Variants in CYP3A4 observed in about 807,000 individuals in gnomAD.
CYP3A4 encodes the protein cytochrome P450 family 3 subfamily A member 4.
Under a neutral mutation model 54.9 loss-of-function variants are expected in CYP3A4, and 41 were observed. That is an observed-to-expected ratio of 0.75 (90% confidence interval 0.58 to 0.97). CYP3A4 has a LOEUF of 0.97. Among genes scored for constraint, CYP3A4 ranks in the 50% least tolerant of loss-of-function variants. The probability of loss-of-function intolerance (pLI) is 0.00; values close to 1 mark genes in which losing one functional copy is unlikely to be tolerated. For missense variants in CYP3A4, 510 were observed against 597.3 expected (o/e 0.85, Z 1.52); for synonymous variants, 179 against 205.2 (o/e 0.87, Z 1.09).
intron 3 of CYP3A4, among the ~76,000 whole-genome samples, chr7:99,773,282 A>T (rs1247182877): frequency 6.6e-6 from 1 of 152,186 alleles, no homozygotes; most frequent in African/African-American, 2.4e-5. Flanking sequence ...TATTAGACAG[A>T]TCAACAAGAC....
chr7:99,771,538 A>T (rs2151561237), intron 4 of CYP3A4, among the ~76,000 whole-genome samples: 1 of 152,338 alleles, frequency 6.6e-6, no homozygotes, highest in African/African-American at 2.4e-5. Flanking sequence ...CATTTTCCAT[A>T]AACTGGTCTA....
At chr7:99,771,296 A>G (rs1165351054) in intron 4 of CYP3A4, among the ~76,000 whole-genome samples, 1 of 152,224 alleles carries the variant, frequency 6.6e-6, no homozygotes, top group African/African-American at 2.4e-5. Flanking sequence ...AACACACAAA[A>G]TCAAAGCACA....
In CYP3A4 at chr7:99,780,011, T is replaced by A; in HGVS notation, c.146A>T (p.Asn49Ile). ...ACTCACCTTATGGTAGGACAAAATA[T>A]TTCCCAAAAAAGGCAGAGGTGTGGG... ...PGPTPLPFLG[N>I]ILSYHKGFCM... Residue 49 changes from asparagine to isoleucine, a missense_variant, in exon 2 of 13, where the codon AAT becomes ATT. Coordinates refer to ENST00000651514, the MANE Select transcript of CYP3A4 (RefSeq NM_017460.6). 6.2e-7 allele frequency: 1 copy of A among 1,613,466 alleles called. No homozygotes were observed. The highest frequency in any genetic ancestry group is 1.1e-5 in the South Asian group (1 of 91,070).
In CYP3A4 at chr7:99,769,762, A is replaced by C. The variant is rs775328500; in HGVS notation, c.521+6T>G. 2 of 1,613,668 alleles carry C rather than the reference A, an allele frequency of 1.2e-6. No homozygotes were observed. Among genetic ancestry groups the C allele is most frequent in the African/African-American group, 2.7e-5 (2 of 74,856 alleles). On this transcript the variant is annotated splice_donor_region_variant and intron_variant, in intron 6 of 12. Coordinates refer to ENST00000651514, the MANE Select transcript of CYP3A4 (RefSeq NM_017460.6). ...CTCAGAACCCCATGGCTGCGCTTCT[A>C]CTTACTCTTTCAAGGTGACAGGCTT...
rs567222881 is a variant in CYP3A4 at position 99,782,932 on chromosome 7, C to A, written c.71+1079G>T. 2.6e-5 allele frequency among the ~76,000 whole-genome samples: 4 copies of A among 152,214 alleles called. No homozygotes were observed. The East Asian group carries it at 7.7e-4, about 29-fold the overall frequency. On this transcript the variant is annotated intron_variant, in intron 1 of 12. Coordinates refer to ENST00000651514, the MANE Select transcript of CYP3A4 (RefSeq NM_017460.6). Reference sequence around the variant, plus strand: ...TGGAAAGGTGAGGTTATTTTACACACATTTATTGTAACAAATACTGAACTA... The same window carrying A: ...TGGAAAGGTGAGGTTATTTTACACAAATTTATTGTAACAAATACTGAACTA...
intron 3 of CYP3A4, among the ~76,000 whole-genome samples, chr7:99,772,989 T>G (rs1815671872): frequency 6.6e-6 from 1 of 152,216 alleles, no homozygotes; most frequent in Non-Finnish European, 1.5e-5. Context: ...TTAAGCTGGG[T>G]GGTGCATACG....
intron 3 of CYP3A4, among the ~76,000 whole-genome samples, chr7:99,776,022 A>T (rs1264652688): frequency 3.3e-5 from 5 of 152,236 alleles, no homozygotes; most frequent in African/African-American, 1.2e-4. Flanking sequence ...CCCCATCAAA[A>T]AATGGGCAAA....
rs1815581210 is a variant in CYP3A4 at position 99,769,808 on chromosome 7, T to G, written c.481A>C (p.Arg161=). 6.2e-7 allele frequency: 1 copy of G among 1,613,946 alleles called. No homozygotes were observed. Among genetic ancestry groups the G allele is most frequent in the East Asian group, 2.2e-5 (1 of 44,864 alleles). ...QYGDVLVRNL[R]REAETGKPVT... ...GGCTTGCCTGTCTCTGCTTCCCGCC[T>G]CAGATTTCTCACCAACACATCTCCA... is the stretch of plus-strand genomic sequence containing the variant. Residue 161 remains arginine (R), a synonymous_variant, in exon 6 of 13, where the codon AGG becomes CGG. Coordinates refer to ENST00000651514, the MANE Select transcript of CYP3A4 (RefSeq NM_017460.6).
intron 1 of CYP3A4, 95 bp downstream of exon 1, chr7:99,783,916 C>G: frequency 7.0e-7 from 1 of 1,429,774 alleles, no homozygotes; most frequent in Non-Finnish European, 9.9e-7. Context: ...GCCTGAACAT[C>G]TTTTTTGATC....
chr7:99,763,606 T>A (rs1203372601), intron 10 of CYP3A4, among the ~76,000 whole-genome samples: 2 of 152,206 alleles, frequency 1.3e-5, no homozygotes, highest in Non-Finnish European at 2.9e-5. Context: ...GGAGGTTTTT[T>A]ACTTAGCATT....
At chr7:99,780,724 G>T (rs972056480) in intron 1 of CYP3A4, among the ~76,000 whole-genome samples, 2 of 152,146 alleles carry the variant, frequency 1.3e-5, no homozygotes, top group African/African-American at 4.8e-5. Flanking sequence ...CTGTGCTCAA[G>T]GCTTCCATTG....
intron 1 of CYP3A4, 82 bp from the exon 2 acceptor site, chr7:99,780,167 G>A (rs1815882690): frequency 7.2e-7 from 1 of 1,380,996 alleles, no homozygotes; most frequent in Middle Eastern, 1.8e-4. Context: ...CTGAGGAACT[G>A]GAATGCTCAA....
At position 99,781,919 on chromosome 7, in the gene CYP3A4, G is replaced by A. The variant is rs190105372; in HGVS notation, c.72-1834C>T. ...GGTTCCAAATATTCTGTACAAATCCGGTGACTGTGATAATATGTGGTAAAA... is the reference window on the plus strand; with the variant it reads ...GGTTCCAAATATTCTGTACAAATCCAGTGACTGTGATAATATGTGGTAAAA... On this transcript the variant is annotated intron_variant, in intron 1 of 12. Transcript: ENST00000651514. Among the ~76,000 whole-genome samples, 392 of 152,308 alleles carry A rather than the reference G, an allele frequency of 2.6e-3. 1 individual carries two copies. Among genetic ancestry groups the A allele is most frequent in the South Asian group, 4.6e-3 (22 of 4,822 alleles).
rs761652923 is a variant in CYP3A4, at chr7:99,778,042, A to G, written c.204T>C (p.Tyr68=). The change falls in exon 3 of 13, where the codon TAT becomes TAC. Residue 68 remains tyrosine, a synonymous_variant. Transcript: ENST00000651514. The part of the protein sequence containing the change: ...CMFDMECHKK[Y]GKVWGFYDGQ... ...AGAATACTCACCCCCACACTTTTCC[A>G]TACTTTTTATGACATTCCATGTCAA... 1.6e-5 allele frequency: 26 copies of G among 1,612,904 alleles called. No individual in the cohort carries two copies. Among genetic ancestry groups the G allele is most frequent in the South Asian group, 3.3e-5 (3 of 90,954 alleles).
chr7:99,778,304 A>G (rs1460271350), intron 2 of CYP3A4, among the ~76,000 whole-genome samples: 3 of 152,208 alleles, frequency 2.0e-5, no homozygotes, highest in African/African-American at 7.2e-5. Flanking sequence ...TGGATACTGA[A>G]TGACTTATCC....
intron 3 of CYP3A4, 151 bp downstream of exon 3, chr7:99,777,877 A>T: frequency 2.9e-6 from 2 of 699,668 alleles, no homozygotes; most frequent in Non-Finnish European, 5.1e-6. Context: ...CCAAATAAAT[A>T]TCTTCTTCTT....
chr7:99,762,359 A>T, intron 10 of CYP3A4, 92 bp from the exon 11 acceptor site: 1 of 1,464,516 alleles, frequency 6.8e-7, no homozygotes, highest in South Asian at 1.2e-5. Flanking sequence ...TAGGAGCTCC[A>T]GAGACTAACT....
rs1288870915 is a variant in CYP3A4 at position 99,778,017 on chromosome 7, A to G, written c.218+11T>C. On this transcript the variant is annotated intron_variant, in intron 3 of 12. Transcript: ENST00000651514. ...ACAAGTCTATCCAATGGAAGTTTCCAGAATACTCACCCCCACACTTTTCCA... is the reference window on the plus strand; with the variant it reads ...ACAAGTCTATCCAATGGAAGTTTCCGGAATACTCACCCCCACACTTTTCCA... 1.2e-6 allele frequency: 2 copies of G among 1,610,686 alleles called. No homozygotes were observed. Among genetic ancestry groups the G allele is most frequent in the African/African-American group, 1.3e-5 (1 of 74,856 alleles).
In CYP3A4 at chr7:99,766,365, CA is replaced by C; in HGVS notation, c.865+11del. 1 of 1,613,430 alleles carries C rather than the reference CA, an allele frequency of 6.2e-7. No homozygotes were observed. On this transcript the variant is annotated intron_variant, in intron 9 of 12. Coordinates refer to ENST00000651514, the MANE Select transcript of CYP3A4 (RefSeq NM_017460.6). ...GTGCCCCACAAGTAGCCCTCAGAAACACTCTGGTTACCTTTGTGGGACTCAG... is the reference window on the plus strand; with the variant it reads ...GTGCCCCACAAGTAGCCCTCAGAAACCTCTGGTTACCTTTGTGGGACTCAG...
Sources: gnomAD v4.1 joint callset for allele counts (sites outside exome capture counted in the v4.1 genomes callset) on GRCh38, gnomAD v4.1.1 for gene constraint, MANE v1.5 for transcripts, NCBI Gene and HGNC (gene_info 2026-07-23, HGNC 2026-07-21) for gene names.